The following UNK variants were observed in gnomAD, a reference collection of about 807,000 sequenced individuals.
UNK encodes RING finger protein unkempt homolog.
A neutral mutation model predicts 97.6 loss-of-function variants in UNK; 32 were observed. That is an observed-to-expected ratio of 0.33 (90% confidence interval 0.25 to 0.44). The LOEUF (loss-of-function observed/expected upper bound fraction) is 0.44, where lower values mean the gene tolerates loss of function less well. UNK is among the 20% of genes least tolerant of loss of function. UNK has a pLI of 1.00. For missense variants in UNK, 771 were observed against 1,098.4 expected, an observed-to-expected ratio of 0.70 and a Z score of 4.21; for synonymous variants, 441 against 461.2, an observed-to-expected ratio of 0.96 and a Z score of 0.56.
chr17:75,817,775 T>C lies in UNK; in HGVS notation c.1305+249T>C, dbSNP rs79330245. Among the ~76,000 whole-genome samples, 131 of 152,208 alleles carry C rather than the reference T, an allele frequency of 8.6e-4. No homozygotes were observed. Among genetic ancestry groups the C allele is most frequent in the African/African-American group, 3.1e-3 (129 of 41,534 alleles). On this transcript the variant is annotated intron_variant, in intron 9 of 15. Coordinates refer to ENST00000589666, the MANE Select transcript of UNK (RefSeq NM_001080419.3). The surrounding 1 kb of genome is among the most constrained non-coding windows in gnomAD (Gnocchi z 5.8). ...GTTAGGAGAGGAGCCAGATCCCGCC[T>C]GGGTGCGGTCCTTCGGCTGCCCTGA...
At chr17:75,807,490 T>C (rs1025990355) in intron 1 of UNK, among the ~76,000 whole-genome samples, 2 of 152,248 alleles carry the variant, frequency 1.3e-5, no homozygotes, top group African/African-American at 4.8e-5. Context: ...AGTTTTGCTC[T>C]TATTGCCCTG....
At chr17:75,792,308 T>G (rs2061769842) in intron 1 of UNK, 2 of 984,842 alleles carry the variant, frequency 2.0e-6, no homozygotes, top group Non-Finnish European at 2.4e-6. Flanking sequence ...TTTTTTTTAA[T>G]CCAGCTATGG....
At chr17:75,801,606 G>A (rs745387564) in intron 1 of UNK, among the ~76,000 whole-genome samples, 17 of 151,890 alleles carry the variant, frequency 1.1e-4, no homozygotes, top group Non-Finnish European at 1.9e-4. Flanking sequence ...GAGTGAAGTG[G>A]CATGATCTCT....
intron 1 of UNK, 75 bp from the exon 2 acceptor site, chr17:75,809,685 G>A (rs1599378245): frequency 8.6e-6 from 13 of 1,508,966 alleles, no homozygotes; most frequent in Admixed American, 4.0e-5. Context: ...GGGACTTGGC[G>A]GCTAACTTCT....
intron 2 of UNK, among the ~76,000 whole-genome samples, chr17:75,810,718 C>G: frequency 6.6e-6 from 1 of 152,122 alleles, no homozygotes; most frequent in African/African-American, 2.4e-5. Flanking sequence ...CTCACTGCAA[C>G]CTCCACCTCC....
chr17:75,798,503 C>G (rs557677337), intron 1 of UNK, among the ~76,000 whole-genome samples: 10 of 152,222 alleles, frequency 6.6e-5, no homozygotes, highest in African/African-American at 1.9e-4. Flanking sequence ...CTACACCAAA[C>G]CACGGTTAAT....
At position 75,818,969 on chromosome 17, in the gene UNK, A is replaced by G; in HGVS notation, c.1546+153A>G. ...TGGGCACTCTGAGTCCTTTGAGCTA[A>G]AGGGGAAATGACCCCAAGGTGTAGG... On this transcript the variant is annotated intron_variant, in intron 11 of 15. Coordinates refer to ENST00000589666, the MANE Select transcript of UNK (RefSeq NM_001080419.3). The surrounding 1 kb of genome is among the most constrained non-coding windows in gnomAD (Gnocchi z 5.1). 1 of 926,556 alleles carries G rather than the reference A, an allele frequency of 1.1e-6. No individual in the cohort carries two copies. The highest frequency in any genetic ancestry group is 2.9e-5 in the East Asian group (1 of 34,382). The allele number at this position is 926,556 out of a possible 1,614,324, so 57.4% of individuals were successfully genotyped here.
At chr17:75,798,569 C>T (rs546396845) in intron 1 of UNK, among the ~76,000 whole-genome samples, 1 of 151,834 alleles carries the variant, frequency 6.6e-6, no homozygotes, top group East Asian at 2.0e-4. Context: ...TGATCTCGAA[C>T]TCCTGGCCTC....
intron 6 of UNK, among the ~76,000 whole-genome samples, chr17:75,814,902 GGA>G (rs1171710016): frequency 3.9e-5 from 6 of 152,180 alleles, no homozygotes; most frequent in Non-Finnish European, 7.3e-5. Context: ...GCCCGTGAGT[GGA>G]GAGTCACTGG....
chr17:75,790,385 C>A (rs1404849949), intron 1 of UNK, among the ~76,000 whole-genome samples: 1 of 152,086 alleles, frequency 6.6e-6, no homozygotes, highest in East Asian at 1.9e-4. Flanking sequence ...AGTCCCAACT[C>A]GTTGGGAAGC....
At chr17:75,815,030 G>T in intron 6 of UNK, 139 bp from the exon 7 acceptor site, 1 of 669,446 alleles carries the variant, frequency 1.5e-6, no homozygotes, top group African/African-American at 1.8e-5. Context: ...GGTAGGGAGA[G>T]ACATAGTGGA....
At chr17:75,821,582 C>T (rs761584622) in intron 13 of UNK, 48 of 456,332 alleles carry the variant, frequency 1.1e-4, no homozygotes, top group Non-Finnish European at 1.8e-4. Context: ...CCATGTCCCT[C>T]CTCTGTGGGT....
At chr17:75,812,021 A>G (rs1054658037) in intron 2 of UNK, 91 bp from the exon 3 acceptor site, 2 of 1,419,062 alleles carry the variant, frequency 1.4e-6, no homozygotes, top group African/African-American at 2.9e-5. Flanking sequence ...CAACAACAAC[A>G]ACAAAAACAG....
At chr17:75,785,042 T>A in intron 1 of UNK, 58 bp downstream of exon 1, 1 of 1,110,816 alleles carries the variant, frequency 9.0e-7, no homozygotes, top group Non-Finnish European at 1.2e-6. Flanking sequence ...GCGGCCAGCG[T>A]GAGTCACGCG....
chr17:75,790,662 G>A (rs2061755861), intron 1 of UNK, among the ~76,000 whole-genome samples: 1 of 151,980 alleles, frequency 6.6e-6, no homozygotes, highest in East Asian at 1.9e-4. Flanking sequence ...TGGGCGTGGT[G>A]GCTCACGCCT....
intron 1 of UNK, among the ~76,000 whole-genome samples, chr17:75,801,845 C>G (rs1414059817): frequency 6.7e-6 from 1 of 150,006 alleles, no homozygotes; most frequent in African/African-American, 2.5e-5. Context: ...ACCCGGCTCC[C>G]CCCAGCCTTT....
At chr17:75,792,055 A>T (rs1367653395) in intron 1 of UNK, 1 of 985,326 alleles carries the variant, frequency 1.0e-6, no homozygotes, top group Non-Finnish European at 1.2e-6. Context: ...AGAAGCCATG[A>T]GCACGCTTAG....
intron 1 of UNK, among the ~76,000 whole-genome samples, chr17:75,790,668 C>T (rs768145740): frequency 6.6e-6 from 1 of 151,360 alleles, no homozygotes; most frequent in South Asian, 2.1e-4. Context: ...TGGTGGCTCA[C>T]GCCTGTAATC....
chr17:75,792,213 A>G (rs528398010), intron 1 of UNK: 2 of 896,792 alleles, frequency 2.2e-6, no homozygotes, highest in South Asian at 1.0e-4. Context: ...GCTGCATTAC[A>G]TTAAATAGTG....
Sources: gnomAD v4.1 joint callset for allele counts (sites outside exome capture counted in the v4.1 genomes callset) on GRCh38, gnomAD v4.1.1 for gene constraint, Gnocchi (gnomAD v3.1) non-coding constraint, MANE v1.5 for transcripts, NCBI Gene and HGNC (gene_info 2026-07-23, HGNC 2026-07-21) for gene names.